SCML4: variants seen among roughly 807,000 people sequenced by gnomAD.
SCML4 encodes sex comb on midleg-like protein 4.
SCML4 carries 34 observed loss-of-function variants against 41.1 expected under a neutral mutation model. The observed-to-expected ratio is 0.83, with a 90% confidence interval of 0.63 to 1.10. The LOEUF is 1.10. SCML4 is among the 50% of genes least tolerant of loss of function. The pLI is 0.00. For missense variants in SCML4, 522 were observed against 534.1 expected, an observed-to-expected ratio of 0.98 and a Z score of 0.22; for synonymous variants, 214 against 220.9, an observed-to-expected ratio of 0.97 and a Z score of 0.28.
intron 1 of SCML4, among the ~76,000 whole-genome samples, chr6:107,821,198 A>G (rs1418307704): frequency 6.6e-6 from 1 of 152,158 alleles, no homozygotes; most frequent in Non-Finnish European, 1.5e-5. Flanking sequence ...AATTTAGAGT[A>G]ATTTACTAGA....
intron 1 of SCML4, among the ~76,000 whole-genome samples, chr6:107,813,397 T>A (rs1301223477): frequency 4.7e-5 from 3 of 63,462 alleles, no homozygotes; most frequent in African/African-American, 2.0e-4. Flanking sequence ...TATATATATA[T>A]ATATATATAT....
intron 1 of SCML4, among the ~76,000 whole-genome samples, chr6:107,800,914 C>G (rs146610595): frequency 5.3e-5 from 8 of 152,214 alleles, no homozygotes; most frequent in Admixed American, 5.2e-4. Flanking sequence ...GATTTGGGAG[C>G]AAGTGCTCCC....
At chr6:107,810,383 G>A (rs775445140) in intron 1 of SCML4, among the ~76,000 whole-genome samples, 53 of 152,100 alleles carry the variant, frequency 3.5e-4, no homozygotes, top group Non-Finnish European at 4.6e-4. Flanking sequence ...TCCTCTCATC[G>A]CTTGGGATAT....
intron 1 of SCML4, among the ~76,000 whole-genome samples, chr6:107,779,045 T>C (rs1217499653): frequency 6.6e-6 from 1 of 151,864 alleles, no homozygotes; most frequent in South Asian, 2.1e-4. Context: ...CCGGGCGTGG[T>C]GGCGGGCGCC....
intron 1 of SCML4, among the ~76,000 whole-genome samples, chr6:107,781,588 C>T (rs989838413): frequency 1.1e-4 from 17 of 151,404 alleles, no homozygotes; most frequent in African/African-American, 3.2e-4. Flanking sequence ...TTGACACTGC[C>T]GTAGCTGTGA....
At chr6:107,777,706 T>C (rs191933467) in intron 1 of SCML4, among the ~76,000 whole-genome samples, 8 of 152,208 alleles carry the variant, frequency 5.3e-5, no homozygotes, top group Non-Finnish European at 7.4e-5. Context: ...TATAAACAGA[T>C]GATGGACAGG....
chr6:107,827,716 G>A (rs1261894744), upstream of SCML4, among the ~76,000 whole-genome samples: 1 of 152,172 alleles, frequency 6.6e-6, no homozygotes, highest in African/African-American at 2.4e-5. Context: ...ACCACAAGCA[G>A]CATGTTCCAC....
rs374804805 is a variant in SCML4, at chr6:107,737,314, G to T, written c.682+7635C>A. Among the ~76,000 whole-genome samples the T allele has an allele frequency of 3.3e-5, 5 of 152,284 alleles. No homozygotes were observed. In the South Asian group the frequency reaches 1.0e-3, roughly 32 times the overall value. On this transcript the variant is annotated intron_variant, in intron 5 of 7. Coordinates refer to ENST00000369020, the MANE Select transcript of SCML4 (RefSeq NM_198081.5). ...GGGCACCAGAGACCATGCTTCAGGT[G>T]CTTGCTGGCCATGGGGAGAAATTTG...
chr6:107,821,795 A>C (rs1178910856), intron 1 of SCML4, among the ~76,000 whole-genome samples: 1 of 152,208 alleles, frequency 6.6e-6, no homozygotes, highest in East Asian at 1.9e-4. Flanking sequence ...ATTGTCCTGC[A>C]GATCCCTAAC....
the SCML4 span, among the ~76,000 whole-genome samples, chr6:107,838,346 A>G: frequency 6.6e-6 from 1 of 152,134 alleles, no homozygotes; most frequent in Non-Finnish European, 1.5e-5. Context: ...CTTTCTCCCC[A>G]GGCAGAAAAC....
At chr6:107,801,173 C>T (rs529685287) in intron 1 of SCML4, among the ~76,000 whole-genome samples, 1 of 152,322 alleles carries the variant, frequency 6.6e-6, no homozygotes, top group Admixed American at 6.5e-5. Flanking sequence ...CTTCTAGTAG[C>T]ACATGCTGTT....
intron 2 of SCML4, among the ~76,000 whole-genome samples, chr6:107,757,707 T>A (rs141372832): frequency 2.4e-4 from 36 of 152,340 alleles, no homozygotes; most frequent in African/African-American, 8.7e-4. Context: ...TTTAGCATAA[T>A]GCAAAGTGAG....
At chr6:107,788,447 G>A (rs772119795) in intron 1 of SCML4, among the ~76,000 whole-genome samples, 25 of 152,326 alleles carry the variant, frequency 1.6e-4, no homozygotes, top group Non-Finnish European at 3.1e-4. Context: ...TCTTTGTAGA[G>A]AACAGAGAGT....
At chr6:107,768,930 G>T (rs1780289770) in intron 2 of SCML4, among the ~76,000 whole-genome samples, 1 of 152,128 alleles carries the variant, frequency 6.6e-6, no homozygotes, top group Non-Finnish European at 1.5e-5. Flanking sequence ...ACTAGGATTT[G>T]TTCTCACTGC....
chr6:107,831,141 G>C, the SCML4 span, among the ~76,000 whole-genome samples: 7 of 152,200 alleles, frequency 4.6e-5, no homozygotes, highest in East Asian at 1.3e-3. Flanking sequence ...GTGGTGTAAC[G>C]GGGAAAAGGA....
chr6:107,708,659 T>C (rs143263382), intron 6 of SCML4, among the ~76,000 whole-genome samples: 1 of 152,178 alleles, frequency 6.6e-6, no homozygotes, highest in African/African-American at 2.4e-5. Context: ...CACGGCCCTC[T>C]GGGGCTGTCA....
intron 6 of SCML4, among the ~76,000 whole-genome samples, chr6:107,717,841 C>G (rs911850981): frequency 6.6e-6 from 1 of 152,210 alleles, no homozygotes; most frequent in African/African-American, 2.4e-5. Context: ...AACCATCGTG[C>G]CTGGCTGGTT....
intron 1 of SCML4, among the ~76,000 whole-genome samples, chr6:107,787,835 G>C (rs956936535): frequency 6.6e-6 from 1 of 152,198 alleles, no homozygotes; most frequent in African/African-American, 2.4e-5. Context: ...AGATTTTCAG[G>C]CATATAGATG....
intron 5 of SCML4, among the ~76,000 whole-genome samples, chr6:107,734,872 T>G (rs988098420): frequency 3.3e-5 from 5 of 152,178 alleles, no homozygotes; most frequent in Non-Finnish European, 7.3e-5. Context: ...TTGTTGTTGT[T>G]GTTGTTATTG....
Sources: allele counts gnomAD v4.1 joint callset (sites outside exome capture counted in the v4.1 genomes callset), GRCh38; gene constraint gnomAD v4.1.1; transcripts MANE v1.5; gene names NCBI Gene and HGNC (gene_info 2026-07-23, HGNC 2026-07-21).